TRAF1: variants seen among roughly 807,000 people sequenced by gnomAD.
TRAF1 encodes the protein TNF receptor-associated factor 1.
In TRAF1, 23 loss-of-function variants were observed where a neutral mutation model predicts 40.9. That is an observed-to-expected ratio of 0.56 (90% CI 0.40 to 0.80). The LOEUF (loss-of-function observed/expected upper bound fraction) is 0.80. TRAF1 is among the 30% of genes least tolerant of loss of function. The pLI is 0.00. For missense variants in TRAF1, 477 were observed against 528.7 expected, an observed-to-expected ratio of 0.90 and a Z score of 0.96; for synonymous variants, 206 against 218.8, an observed-to-expected ratio of 0.94 and a Z score of 0.52.
chr9:120,925,591 C>T (rs1376740130), intron 2 of TRAF1, among the ~76,000 whole-genome samples: 15 of 152,200 alleles, frequency 9.9e-5, no homozygotes, highest in Non-Finnish European at 2.2e-4. Context: ...GCTTCATTAA[C>T]AATTCTATGA....
At chr9:120,919,777 T>A (rs1480785528) in intron 3 of TRAF1, among the ~76,000 whole-genome samples, 1 of 152,200 alleles carries the variant, frequency 6.6e-6, no homozygotes, top group African/African-American at 2.4e-5. Flanking sequence ...CCCATTCCTG[T>A]TTTTCCCATA....
At chr9:120,905,695 T>C (rs1323970967) in intron 7 of TRAF1, among the ~76,000 whole-genome samples, 2 of 152,192 alleles carry the variant, frequency 1.3e-5, no homozygotes, top group Admixed American at 6.5e-5. Flanking sequence ...AGAGAGGTCT[T>C]CTACTGAGGG....
rs2046639661 is a variant in TRAF1 at position 120,926,183 on chromosome 9, G to A, written c.-108C>T. On this transcript the variant is annotated 5_prime_UTR_variant, in exon 2 of 8. Transcript: ENST00000373887. ...TCACTCTCTGGTGAGTAGGAGCTCT[G>A]ATGACTTTATCTTCTTCTCTCTGGC... 34 of 1,240,982 alleles carry A rather than the reference G, an allele frequency of 2.7e-5. No individual in the cohort carries two copies. The highest frequency in any genetic ancestry group is 2.8e-4 in the Middle Eastern group (1 of 3,608). 76.9% of individuals were successfully genotyped at this position (1,240,982 alleles called of 1,614,324 possible). A position where few individuals can be genotyped will look rare whatever the true frequency, so the allele number is the denominator to read the frequency against.
chr9:120,908,823 T>C (rs958944420), intron 7 of TRAF1, among the ~76,000 whole-genome samples: 3 of 152,056 alleles, frequency 2.0e-5, no homozygotes, highest in Admixed American at 6.5e-5. Context: ...GCCTCCCAAA[T>C]TGTTGAGATT....
At chr9:120,923,828 C>T (rs1406836457) in intron 2 of TRAF1, 36 bp from the exon 3 acceptor site, 1 of 1,581,694 alleles carries the variant, frequency 6.3e-7, no homozygotes, top group African/African-American at 1.3e-5. Flanking sequence ...GAGAGAGGCA[C>T]TACAGCTCCC....
rs770401305 is a variant in TRAF1 at position 120,913,651 on chromosome 9, C to T, written c.382G>A (p.Ala128Thr). 5.6e-6 allele frequency: 9 copies of T among 1,613,386 alleles called. No individual in the cohort carries two copies. The highest frequency in any genetic ancestry group is 1.7e-5 in the Admixed American group (1 of 59,990). Residue 128 changes from alanine to threonine, a missense_variant, in exon 5 of 8, where the codon GCC becomes ACC. Ala to Thr is a moderately conservative substitution (Grantham distance 58). Coordinates refer to ENST00000373887, the MANE Select transcript of TRAF1 (RefSeq NM_005658.5). ...GACTCCAGGCCACAGCCCAGCCGGG[C>T]CTTCCACTGTTTCATGAACCCCAAC... The part of the protein sequence containing the change: ...LLLGFMKQWK[A>T]RLGCGLESGP...
chr9:120,913,314 C>A lies in TRAF1; in HGVS notation c.705+14G>T. 1 of 1,582,044 alleles carries A rather than the reference C, an allele frequency of 6.3e-7. No individual in the cohort carries two copies. Among genetic ancestry groups the A allele is most frequent in the Non-Finnish European group, 8.6e-7 (1 of 1,161,014 alleles). Reference sequence around the variant, plus strand: ...TCAGCCGGGCTTGAAGGCAAACCTGCCTCCCACACTCACCCTCTGCTCCAA... The same window carrying A: ...TCAGCCGGGCTTGAAGGCAAACCTGACTCCCACACTCACCCTCTGCTCCAA... On this transcript the variant is annotated intron_variant, in intron 5 of 7. Transcript: ENST00000373887.
Position 120,903,010 on chromosome 9 carries a change from CTTG to C in TRAF1, c.*2007_*2009del, listed in dbSNP as rs1030224382. 3.3e-5 allele frequency: 5 copies of C among 152,200 alleles called. No individual in the cohort carries two copies. The highest frequency in any genetic ancestry group is 1.2e-4 in the African/African-American group (5 of 41,436). The allele number at this position is 152,200 out of a possible 1,614,324, so 9.4% of individuals were successfully genotyped here. ...GAGTAACAGCTGTTTCTCATGGGGGCTTGTTCTACAAATCCCCCCTTGGGCTCA... is the reference window on the plus strand; with the variant it reads ...GAGTAACAGCTGTTTCTCATGGGGGCTTCTACAAATCCCCCCTTGGGCTCA... On this transcript the variant is annotated 3_prime_UTR_variant, in exon 8 of 8. Coordinates refer to ENST00000373887, the MANE Select transcript of TRAF1 (RefSeq NM_005658.5).
At chr9:120,929,148 C>G (rs2046659596), upstream of TRAF1, 3 of 152,460 alleles carry the variant, frequency 2.0e-5, no homozygotes. This position sits in a 1 kb window ranked among gnomAD's most constrained non-coding sequence, Gnocchi z 4.5. Context: ...TACCGGCGGC[C>G]AGGCCCGGAG....
Position 120,913,700 on chromosome 9 carries a change from G to C in TRAF1, c.333C>G (p.Ser111=). The C allele has an allele frequency of 6.2e-7, 1 of 1,604,558 alleles. No homozygotes were observed. Among genetic ancestry groups the C allele is most frequent in the Non-Finnish European group, 8.5e-7 (1 of 1,174,090 alleles). ...ACAGCAGGTTTAGGTGGGAGGTCTGGGAGGTGACCTCATGCTCTTGCACAG... is the reference window on the plus strand; with the variant it reads ...ACAGCAGGTTTAGGTGGGAGGTCTGCGAGGTGACCTCATGCTCTTGCACAG... ...PQSVQEHEVT[S]QTSHLNLLLG... Residue 111 remains serine, a synonymous_variant, in exon 5 of 8, where the codon TCC becomes TCG. Coordinates refer to ENST00000373887, the MANE Select transcript of TRAF1 (RefSeq NM_005658.5).
Position 120,904,866 on chromosome 9 carries a change from T to A in TRAF1, c.*154A>T. The A allele has an allele frequency of 1.3e-6, 1 of 772,580 alleles. No individual in the cohort carries two copies. The allele number at this position is 772,580 out of a possible 1,614,324, so 47.9% of individuals were successfully genotyped here. On this transcript the variant is annotated 3_prime_UTR_variant, in exon 8 of 8. Coordinates refer to ENST00000373887, the MANE Select transcript of TRAF1 (RefSeq NM_005658.5). ...CCCACGTCCTGCCATCCTAACCAGA[T>A]GGCCAGCCCGAAGTCGACCCCTCAG...
At chr9:120,909,467 G>T (rs1242034228) in intron 6 of TRAF1, 89 bp from the exon 7 acceptor site, 1 of 1,506,346 alleles carries the variant, frequency 6.6e-7, no homozygotes. Context: ...CCCAAGGTCA[G>T]CGGCTCAAAA....
chr9:120,913,590 A>G lies in TRAF1; in HGVS notation c.443T>C (p.Leu148Pro), dbSNP rs2046546618. 1 of 1,613,788 alleles carries G rather than the reference A, an allele frequency of 6.2e-7. No homozygotes were observed. The highest frequency in any genetic ancestry group is 8.5e-7 in the Non-Finnish European group (1 of 1,180,000). ...PMALEQNLSD[L>P]QLQAAVEVAG... is the part of the protein sequence containing the mutation. The stretch of plus-strand genomic sequence containing the variant: ...CACTTCCACGGCTGCCTGCAGCTGC[A>G]GGTCTGACAGGTTCTGCTCCAGGGC... Residue 148 changes from leucine to proline, a missense_variant, in exon 5 of 8, where the codon CTG becomes CCG. By Grantham distance (98) the Leu-to-Pro change is moderately conservative (BLOSUM62 -3). Transcript: ENST00000373887.
intron 5 of TRAF1, 70 bp downstream of exon 5, chr9:120,913,258 C>A: frequency 1.3e-6 from 2 of 1,505,964 alleles, no homozygotes; most frequent in Admixed American, 2.2e-5. Flanking sequence ...TAGGAGGAAG[C>A]CTGTCTGCCG....
chr9:120,912,929 A>T (rs1210023315), intron 5 of TRAF1, among the ~76,000 whole-genome samples: 1 of 152,190 alleles, frequency 6.6e-6, no homozygotes, highest in African/African-American at 2.4e-5. Context: ...CCATCCCTGA[A>T]GGGCTGTCAT....
chr9:120,925,508 G>A (rs1160048254), intron 2 of TRAF1, among the ~76,000 whole-genome samples: 3 of 152,230 alleles, frequency 2.0e-5, no homozygotes, highest in African/African-American at 7.2e-5. Flanking sequence ...AGAGATATTC[G>A]TCTAACAGTT....
chr9:120,911,607 GT>G, intron 5 of TRAF1, 94 bp from the exon 6 acceptor site: 1 of 1,461,622 alleles, frequency 6.8e-7, no homozygotes. Flanking sequence ...CCCCAGATGT[GT>G]TTTGCTGACC....
chr9:120,914,598 G>A, intron 3 of TRAF1: 1 of 1,061,104 alleles, frequency 9.4e-7, no homozygotes, highest in Non-Finnish European at 1.1e-6. Flanking sequence ...GCCCCGACTG[G>A]TCGGGGGGGC....
intron 3 of TRAF1, among the ~76,000 whole-genome samples, chr9:120,923,275 A>C (rs142420386): frequency 6.6e-6 from 1 of 152,378 alleles, no homozygotes; most frequent in East Asian, 1.9e-4. Flanking sequence ...TTTACAGACA[A>C]GCAAGCTGTG....
Sources: allele counts gnomAD v4.1 joint callset (sites outside exome capture counted in the v4.1 genomes callset), GRCh38; gene constraint gnomAD v4.1.1; non-coding constraint Gnocchi (gnomAD v3.1); transcripts MANE v1.5; gene names NCBI Gene and HGNC (gene_info 2026-07-23, HGNC 2026-07-21).